The following ALMS1 variants were observed in gnomAD, a reference collection of about 807,000 sequenced individuals.
ALMS1 encodes the protein centrosome-associated protein ALMS1.
Under a neutral mutation model 352.2 loss-of-function variants are expected in ALMS1, and 271 were observed. That is an observed-to-expected ratio of 0.77 (90% CI 0.70 to 0.85). The LOEUF (loss-of-function observed/expected upper bound fraction) is 0.85. Ranked by LOEUF, ALMS1 falls within the 40% of genes least tolerant of loss-of-function variation. The pLI is 0.00. For synonymous variants in ALMS1, 1,865 were observed against 1,761.2 expected, an observed-to-expected ratio of 1.06 and a Z score of -1.48; for missense variants, 5,445 against 4,870.7, an observed-to-expected ratio of 1.12 and a Z score of -3.51.
chr2:73,593,850 C>A (rs573956367), intron 16 of ALMS1, among the ~76,000 whole-genome samples: 1 of 152,220 alleles, frequency 6.6e-6, no homozygotes, highest in Non-Finnish European at 1.5e-5. Flanking sequence ...CACAGTCTTT[C>A]GTGACTGACT....
At chr2:73,484,997 CA>C (rs1230287928) in intron 9 of ALMS1, among the ~76,000 whole-genome samples, 1 of 147,280 alleles carries the variant, frequency 6.8e-6, no homozygotes, top group African/African-American at 2.5e-5. Context: ...TCAAAGTTTT[CA>C]ACTTCTTTGC....
intron 10 of ALMS1, among the ~76,000 whole-genome samples, chr2:73,513,929 A>G (rs1489786670): frequency 2.0e-5 from 3 of 152,082 alleles, no homozygotes; most frequent in Non-Finnish European, 2.9e-5. Context: ...TCCATTTGCT[A>G]CAGATTCCCG....
intron 11 of ALMS1, among the ~76,000 whole-genome samples, chr2:73,533,291 T>C (rs546933494): frequency 6.6e-6 from 1 of 152,238 alleles, no homozygotes; most frequent in Non-Finnish European, 1.5e-5. Context: ...ACCAAGACTT[T>C]CCTGGGAATT....
Position 73,519,922 on chromosome 2 carries a change from T to C in ALMS1, c.9687T>C (p.Ile3229=). Residue 3229 remains isoleucine, a synonymous_variant, in exon 11 of 23, where the codon ATT becomes ATC. Coordinates refer to ENST00000613296, the MANE Select transcript of ALMS1 (RefSeq NM_001378454.1). ...ATGCTGAAGATCGTGGACATGAAAT[T>C]ATAGAGCCTGGTAACCAGAAGCTAC... ...FINAEDRGHE[I]IEPGNQKLRK... 1.9e-6 allele frequency: 3 copies of C among 1,614,142 alleles called. No individual in the cohort carries two copies. The highest frequency in any genetic ancestry group is 1.7e-6 in the Non-Finnish European group (2 of 1,179,988).
chr2:73,497,719 T>C (rs919523928), intron 10 of ALMS1, among the ~76,000 whole-genome samples: 3 of 152,190 alleles, frequency 2.0e-5, no homozygotes, highest in Non-Finnish European at 4.4e-5. Context: ...AAGACATTAT[T>C]TCATTCCTTT....
At chr2:73,534,191 G>T (rs1202338569) in intron 11 of ALMS1, among the ~76,000 whole-genome samples, 1 of 151,910 alleles carries the variant, frequency 6.6e-6, no homozygotes, top group East Asian at 1.9e-4. Flanking sequence ...GGAAAAGATG[G>T]GTAAGTTATA....
intron 6 of ALMS1, among the ~76,000 whole-genome samples, chr2:73,431,925 A>G (rs1325606012): frequency 6.6e-6 from 1 of 152,174 alleles, no homozygotes; most frequent in Non-Finnish European, 1.5e-5. Context: ...TATTTTATCT[A>G]GACAGATTTC....
chr2:73,521,350 T>A (rs927053133), intron 11 of ALMS1, among the ~76,000 whole-genome samples: 5 of 152,038 alleles, frequency 3.3e-5, no homozygotes, highest in African/African-American at 1.2e-4. Flanking sequence ...TTGGGTCTGT[T>A]CCAGATACTT....
chr2:73,454,914 T>G (rs1477740679), intron 8 of ALMS1, among the ~76,000 whole-genome samples: 1 of 152,190 alleles, frequency 6.6e-6, no homozygotes, highest in Non-Finnish European at 1.5e-5. Flanking sequence ...AAGATAAATA[T>G]GATTGATTAC....
intron 12 of ALMS1, among the ~76,000 whole-genome samples, chr2:73,542,353 T>C (rs907504791): frequency 6.6e-6 from 1 of 152,142 alleles, no homozygotes; most frequent in Non-Finnish European, 1.5e-5. Context: ...AAATGAGGTA[T>C]TGATGGGACA....
chr2:73,486,766 T>G (rs1350023089), intron 9 of ALMS1, among the ~76,000 whole-genome samples: 2 of 152,160 alleles, frequency 1.3e-5, no homozygotes. Context: ...AAAGTACATC[T>G]GGCCAGGCGC....
chr2:73,450,318 A>G lies in ALMS1; in HGVS notation c.3791A>G (p.Lys1264Arg), dbSNP rs1254197110. 6.2e-7 allele frequency: 1 copy of G among 1,613,486 alleles called. No homozygotes were observed. The highest frequency in any genetic ancestry group is 8.5e-7 in the Non-Finnish European group (1 of 1,179,868). ...AATCATCCAACTGAAGAGGCTCTGA[A>G]AATTTCAGTTGCCTCTGAACCAGTT... ...PDNHPTEEALKISVASEPVDQ... is the reference protein window; with the variant it reads ...PDNHPTEEALRISVASEPVDQ... The change falls in exon 8 of 23, where the codon AAA (lysine) becomes AGA (arginine). Residue 1264 changes from lysine (K) to arginine (R), a missense_variant. Physicochemically the swap from Lys to Arg is conservative, Grantham distance 26 (BLOSUM62 2). Coordinates refer to ENST00000613296, the MANE Select transcript of ALMS1 (RefSeq NM_001378454.1).
intron 7 of ALMS1, among the ~76,000 whole-genome samples, chr2:73,441,738 G>T (rs965070996): frequency 6.6e-6 from 1 of 152,112 alleles, no homozygotes; most frequent in Non-Finnish European, 1.5e-5. Context: ...TCTCCAGTCT[G>T]GAGGTCCTTA....
At chr2:73,553,150 A>G (rs1051856312) in intron 13 of ALMS1, among the ~76,000 whole-genome samples, 3 of 152,240 alleles carry the variant, frequency 2.0e-5, no homozygotes, top group African/African-American at 7.2e-5. Flanking sequence ...TTCCAAAAAG[A>G]AAACATACAT....
At chr2:73,465,289 G>A (rs1207088192) in intron 9 of ALMS1, among the ~76,000 whole-genome samples, 3 of 152,042 alleles carry the variant, frequency 2.0e-5, no homozygotes, top group Non-Finnish European at 4.4e-5. Flanking sequence ...CCAAAACAGA[G>A]ATATAGATCA....
chr2:73,529,930 C>G (rs1411197766), intron 11 of ALMS1, among the ~76,000 whole-genome samples: 1 of 152,084 alleles, frequency 6.6e-6, no homozygotes, highest in Non-Finnish European at 1.5e-5. Flanking sequence ...AGAACTCCCT[C>G]ACTATCACAA....
chr2:73,521,376 G>A (rs1363613400), intron 11 of ALMS1, among the ~76,000 whole-genome samples: 1 of 151,964 alleles, frequency 6.6e-6, no homozygotes, highest in African/African-American at 2.4e-5. Flanking sequence ...TGAGACTCAG[G>A]CTAATGGGTC....
At chr2:73,494,241 T>A (rs1673057210) in intron 10 of ALMS1, among the ~76,000 whole-genome samples, 1 of 152,176 alleles carries the variant, frequency 6.6e-6, no homozygotes, top group African/African-American at 2.4e-5. Flanking sequence ...TTCTCTTCAG[T>A]AGAAATGAGT....
rs13390375 is a variant in ALMS1 at position 73,406,064 on chromosome 2, T to C, written c.325-2558T>C. ...TTGGTCTGTAGTGCTGTTCAGGTCT[T>C]TTCTTTCCTTATTGATCTCATTCTA... On this transcript the variant is annotated intron_variant, in intron 1 of 22. Transcript: ENST00000613296. 1.7e-3 allele frequency among the ~76,000 whole-genome samples: 255 copies of C among 152,298 alleles called. 1 individual carries two copies. The highest frequency in any genetic ancestry group is 5.7e-3 in the African/African-American group (239 of 41,572).
Sources: gnomAD v4.1 joint callset for allele counts (sites outside exome capture counted in the v4.1 genomes callset) on GRCh38, gnomAD v4.1.1 for gene constraint, MANE v1.5 for transcripts, NCBI Gene and HGNC (gene_info 2026-07-23, HGNC 2026-07-21) for gene names.